Variants in DENND2A observed in about 807,000 individuals in gnomAD.
The protein encoded by DENND2A is DENN domain-containing protein 2A.
Under a neutral mutation model 105.3 loss-of-function variants are expected in DENND2A, and 53 were observed. The observed-to-expected ratio is 0.50, with a 90% CI of 0.40 to 0.63. DENND2A has a LOEUF of 0.63. Among genes scored for constraint, DENND2A ranks in the 30% least tolerant of loss-of-function variants. The probability of loss-of-function intolerance (pLI) is 0.00; values close to 1 mark genes in which losing one functional copy is unlikely to be tolerated. For synonymous variants in DENND2A, 522 were observed against 508.4 expected, an observed-to-expected ratio of 1.03 and a Z score of -0.36; for missense variants, 1,138 against 1,279.6, an observed-to-expected ratio of 0.89 and a Z score of 1.69.
chr7:140,523,334 C>T lies in DENND2A; in HGVS notation c.2638G>A (p.Asp880Asn). The T allele has an allele frequency of 1.2e-6, 2 of 1,614,174 alleles. No individual in the cohort carries two copies. Among genetic ancestry groups the T allele is most frequent in the African/African-American group, 2.7e-5 (2 of 75,066 alleles). ...TGCCTGCCGTCTAGGGGCCCTTCGT[C>T]CTGCTCACAAGCCAGCTCGTTCCTC... ...EQRNELACEQ[D>N]EGPLDGRHGP... Residue 880 changes from aspartate (D) to asparagine (N), a missense_variant, in exon 17 of 20, where the codon GAC becomes AAC. Around this residue, in one of 2 missense-constraint regions of DENND2A, gnomAD observed 627 missense variants for 779.8 expected, o/e 0.80. Transcript: ENST00000496613. The surrounding 1 kb of genome is among the most constrained non-coding windows in gnomAD (Gnocchi z 4.5).
intron 5 of DENND2A, among the ~76,000 whole-genome samples, chr7:140,576,905 C>T (rs1383726875): frequency 1.3e-5 from 2 of 152,156 alleles, no homozygotes; most frequent in African/African-American, 2.4e-5. Context: ...GTTGGGAAAA[C>T]GTAGGTTCTG....
chr7:140,617,724 CAA>C, intron 1 of DENND2A, among the ~76,000 whole-genome samples: 1 of 152,184 alleles, frequency 6.6e-6, no homozygotes, highest in East Asian at 1.9e-4. Flanking sequence ...AAAACAACAA[CAA>C]CAAAAACAAC....
In DENND2A at chr7:140,573,812, G is replaced by C. The variant is rs1798191163; in HGVS notation, c.1442C>G (p.Pro481Arg). The change falls in exon 6 of 20, where the codon CCC becomes CGC. Residue 481 changes from proline (P) to arginine (R), a missense_variant. Pro to Arg is a moderately radical substitution (Grantham distance 103). Around this residue, in one of 2 missense-constraint regions of DENND2A, gnomAD observed 627 missense variants for 779.8 expected, o/e 0.80. Coordinates refer to ENST00000496613, the MANE Select transcript of DENND2A (RefSeq NM_015689.5). ...PQNGRKKRKI[P>R]KLVLRINAIY... ...GAAGCTTGTTGCCACCATTACCTTG[G>C]GTATCTTTCTCTTCTTCCTGCCGTT... 6.2e-7 allele frequency: 1 copy of C among 1,613,270 alleles called. No homozygotes were observed. The highest frequency in any genetic ancestry group is 8.5e-7 in the Non-Finnish European group (1 of 1,179,536).
rs760251144 is a variant in DENND2A at position 140,567,291 on chromosome 7, A to C, written c.1592-18T>G. Reference sequence around the variant, plus strand: ...GCTGTGAGCTGGGTGAGGGAGGGAGAGAGAAAGAGAGAAAGAGAGAGAGAG... The same window carrying C: ...GCTGTGAGCTGGGTGAGGGAGGGAGCGAGAAAGAGAGAAAGAGAGAGAGAG... On this transcript the variant is annotated intron_variant, in intron 8 of 19. Coordinates refer to ENST00000496613, the MANE Select transcript of DENND2A (RefSeq NM_015689.5). 4 of 1,151,020 alleles carry C rather than the reference A, an allele frequency of 3.5e-6. No individual in the cohort carries two copies. Among genetic ancestry groups the C allele is most frequent in the Non-Finnish European group, 1.2e-6 (1 of 851,222 alleles). 71.3% of individuals were successfully genotyped at this position (1,151,020 alleles called of 1,614,324 possible).
rs576646346 is a variant in DENND2A, at chr7:140,583,725, C to G, written c.1245+1864G>C. On this transcript the variant is annotated intron_variant, in intron 5 of 19. Coordinates refer to ENST00000496613, the MANE Select transcript of DENND2A (RefSeq NM_015689.5). The stretch of plus-strand genomic sequence containing the variant: ...CGGGCAGATCACAAGGTCAGGAGAT[C>G]GAGACCATCCTGTGAATGGTGAAAC... 5.0e-4 allele frequency among the ~76,000 whole-genome samples: 73 copies of G among 147,440 alleles called. 3 individuals carry two copies. Among genetic ancestry groups the G allele is most frequent in the Admixed American group, 1.7e-3 (26 of 15,012 alleles).
chr7:140,603,821 T>A (rs751711137), intron 2 of DENND2A, among the ~76,000 whole-genome samples: 1 of 152,220 alleles, frequency 6.6e-6, no homozygotes. Context: ...TGTCAAGGAC[T>A]CAGAAGCGCC....
At chr7:140,607,628 A>T (rs996885957) in intron 1 of DENND2A, among the ~76,000 whole-genome samples, 1 of 151,892 alleles carries the variant, frequency 6.6e-6, no homozygotes, top group African/African-American at 2.4e-5. Flanking sequence ...ACAGGAAGGA[A>T]CTCATTTTCC....
intron 14 of DENND2A, among the ~76,000 whole-genome samples, chr7:140,536,436 C>G (rs547374477): frequency 1.1e-4 from 17 of 151,794 alleles, no homozygotes; most frequent in African/African-American, 4.1e-4. Context: ...GTGAAGATGA[C>G]AGTGTTTCAA....
chr7:140,586,369 ACACACACACACAC>A (rs1798782472), intron 4 of DENND2A, among the ~76,000 whole-genome samples: 1 of 38,500 alleles, frequency 2.6e-5, no homozygotes, highest in African/African-American at 2.2e-4. Flanking sequence ...AAAAGAAAAC[ACACACACACACAC>A]ACACACACAC....
chr7:140,615,573 T>G (rs1446051736), intron 1 of DENND2A, among the ~76,000 whole-genome samples: 1 of 151,546 alleles, frequency 6.6e-6, no homozygotes, highest in Non-Finnish European at 1.5e-5. Flanking sequence ...AGCCTCGCTC[T>G]GTCGCCCAGG....
intron 5 of DENND2A, among the ~76,000 whole-genome samples, chr7:140,576,303 A>G (rs1015426189): frequency 6.6e-6 from 1 of 152,104 alleles, no homozygotes; most frequent in Non-Finnish European, 1.5e-5. Flanking sequence ...TTTGTAATTC[A>G]TTTAATCTCT....
intron 1 of DENND2A, among the ~76,000 whole-genome samples, chr7:140,633,437 G>A (rs1800807827): frequency 1.3e-5 from 2 of 152,166 alleles, no homozygotes; most frequent in Non-Finnish European, 2.9e-5. Flanking sequence ...TTACAGGTGT[G>A]AGCCACCGCG....
At chr7:140,557,516 TA>T (rs1797412428) in intron 11 of DENND2A, among the ~76,000 whole-genome samples, 1 of 23,120 alleles carries the variant, frequency 4.3e-5, no homozygotes, top group Non-Finnish European at 1.2e-4. Flanking sequence ...TTAGTATATA[TA>T]TATATATATA....
In DENND2A at chr7:140,573,934, C is replaced by T; in HGVS notation, c.1320G>A (p.Lys440=). The T allele has an allele frequency of 1.2e-6, 2 of 1,614,182 alleles. No homozygotes were observed. Among genetic ancestry groups the T allele is most frequent in the African/African-American group, 1.3e-5 (1 of 75,042 alleles). ...GGGACCCAGTTCCATCCCGACTCAG[C>T]TTCCTAGTGTCCAGCAGCTTGAAGT... ...RRNFKLLDTR[K]LSRDGTGSPS... is the part of the protein sequence containing the mutation. Residue 440 remains lysine (K), a synonymous_variant, in exon 6 of 20, where the codon AAG becomes AAA. Transcript: ENST00000496613.
At chr7:140,565,307 C>A (rs1475639702) in intron 9 of DENND2A, among the ~76,000 whole-genome samples, 4 of 151,486 alleles carry the variant, frequency 2.6e-5, no homozygotes, top group Non-Finnish European at 5.9e-5. Context: ...TCAGATTCTA[C>A]CTGGTGAATC....
In DENND2A at chr7:140,544,714, T is replaced by A. The variant is rs1276878353; in HGVS notation, c.2231A>T (p.Glu744Val). Residue 744 changes from glutamate to valine, a missense_variant, in exon 14 of 20, where the codon GAG (glutamate) becomes GTG (valine). Glu to Val is a moderately radical substitution (Grantham distance 121). Around this residue, in one of 2 missense-constraint regions of DENND2A, gnomAD observed 627 missense variants for 779.8 expected, o/e 0.80. Coordinates refer to ENST00000496613, the MANE Select transcript of DENND2A (RefSeq NM_015689.5). ...LDSRLEHVDF[E>V]SLFSSLSVRH... ...GACGCTGAGGGAGGAGAAGAGAGACTCAAAGTCCACGTGCTCGAGCCGGGA... is the reference window on the plus strand; with the variant it reads ...GACGCTGAGGGAGGAGAAGAGAGACACAAAGTCCACGTGCTCGAGCCGGGA... The A allele has an allele frequency of 6.2e-7, 1 of 1,611,788 alleles. No individual in the cohort carries two copies. The highest frequency in any genetic ancestry group is 8.5e-7 in the Non-Finnish European group (1 of 1,179,126).
chr7:140,537,102 G>A (rs1028230979), intron 14 of DENND2A, among the ~76,000 whole-genome samples: 2 of 152,138 alleles, frequency 1.3e-5, no homozygotes, highest in African/African-American at 2.4e-5. Context: ...AAACACTTTC[G>A]GCTAGGCCTT....
chr7:140,595,151 T>C (rs1344993705), intron 3 of DENND2A, among the ~76,000 whole-genome samples: 1 of 152,080 alleles, frequency 6.6e-6, no homozygotes, highest in Non-Finnish European at 1.5e-5. Flanking sequence ...GAATTGCAGG[T>C]GTGTGCCACC....
chr7:140,531,537 GCCTGTAAT>G (rs1284470808), intron 14 of DENND2A, among the ~76,000 whole-genome samples: 2 of 152,158 alleles, frequency 1.3e-5, no homozygotes, highest in Non-Finnish European at 2.9e-5. Context: ...GGTGGCTCGT[GCCTGTAAT>G]CCTAGCACTT....
Sources: gnomAD v4.1 joint callset for allele counts (sites outside exome capture counted in the v4.1 genomes callset) on GRCh38, gnomAD v4.1.1 for gene constraint, gnomAD v4.1.1 regional missense constraint, Gnocchi (gnomAD v3.1) non-coding constraint, MANE v1.5 for transcripts, NCBI Gene and HGNC (gene_info 2026-07-23, HGNC 2026-07-21) for gene names.